Variants in PDGFD observed in about 807,000 individuals in gnomAD.
PDGFD encodes platelet derived growth factor D.
PDGFD carries 30 observed loss-of-function variants against 44.7 expected under a neutral mutation model. That is an observed-to-expected ratio of 0.67 (90% CI 0.50 to 0.91). PDGFD has a LOEUF of 0.91. Among genes scored for constraint, PDGFD ranks in the 40% least tolerant of loss-of-function variants. PDGFD has a pLI of 0.00. For synonymous variants in PDGFD, 173 were observed against 168.4 expected, an observed-to-expected ratio of 1.03 and a Z score of -0.21; for missense variants, 445 against 457.8, an observed-to-expected ratio of 0.97 and a Z score of 0.25.
intron 1 of PDGFD, among the ~76,000 whole-genome samples, chr11:104,034,099 A>T (rs1860177455): frequency 6.6e-6 from 1 of 152,036 alleles, no homozygotes; most frequent in Admixed American, 6.6e-5. Flanking sequence ...CATCTTTCTA[A>T]ACCCAGTTCT....
rs1486327851 is a variant in PDGFD at position 104,004,798 on chromosome 11, T to C, written c.125-4543A>G. Among the ~76,000 whole-genome samples, 4 of 151,620 alleles carry C rather than the reference T, an allele frequency of 2.6e-5. No individual in the cohort carries two copies. In the East Asian group the frequency reaches 5.8e-4, roughly 22 times the overall value. ...TCATTTGTAGGGTCTAATCACTTTATACAGATGATCTCTTGTGTGTGTATG... is the reference window on the plus strand; with the variant it reads ...TCATTTGTAGGGTCTAATCACTTTACACAGATGATCTCTTGTGTGTGTATG... On this transcript the variant is annotated intron_variant, in intron 1 of 6. Coordinates refer to ENST00000393158, the MANE Select transcript of PDGFD (RefSeq NM_025208.5).
At position 104,063,649 on chromosome 11, in the gene PDGFD, A is replaced by G. The variant is rs185693847; in HGVS notation, c.125-63394T>C. ...CACATGGCTGGGGAGGCCTCAGGAA[A>G]CTTACAATCATGACAGAAGGTAAAG... On this transcript the variant is annotated intron_variant, in intron 1 of 6. Coordinates refer to ENST00000393158, the MANE Select transcript of PDGFD (RefSeq NM_025208.5). 4.3e-3 allele frequency among the ~76,000 whole-genome samples: 656 copies of G among 152,272 alleles called. 6 individuals are homozygous for G. Among genetic ancestry groups the G allele is most frequent in the African/African-American group, 0.015 (621 of 41,554 alleles).
At chr11:104,028,451 A>G (rs1031526047) in intron 1 of PDGFD, among the ~76,000 whole-genome samples, 25 of 146,152 alleles carry the variant, frequency 1.7e-4, no homozygotes, top group Non-Finnish European at 3.1e-4. Context: ...TTTTTTTTTC[A>G]GGCTGGCTTG....
intron 1 of PDGFD, chr11:104,037,327 G>C: frequency 6.2e-7 from 1 of 1,613,902 alleles, no homozygotes; most frequent in Non-Finnish European, 8.5e-7. Context: ...TCCCTTGGCG[G>C]AAGCCCTGCT....
chr11:104,146,262 G>A (rs1190965388), intron 1 of PDGFD, among the ~76,000 whole-genome samples: 2 of 152,112 alleles, frequency 1.3e-5, no homozygotes, highest in African/African-American at 2.4e-5. Context: ...GAAGACATAC[G>A]TTTGGGAACA....
intron 1 of PDGFD, among the ~76,000 whole-genome samples, chr11:104,020,135 C>T (rs761538435): frequency 5.3e-5 from 8 of 152,052 alleles, no homozygotes; most frequent in South Asian, 2.1e-4. Flanking sequence ...TTTCCTAGGC[C>T]GATTTATTGC....
intron 1 of PDGFD, among the ~76,000 whole-genome samples, chr11:104,144,858 C>G (rs1194695231): frequency 6.6e-6 from 1 of 152,158 alleles, no homozygotes; most frequent in African/African-American, 2.4e-5. Flanking sequence ...CCTAACCTAC[C>G]TCTAAGAAGC....
chr11:103,942,273 T>C (rs1207785552), intron 5 of PDGFD, among the ~76,000 whole-genome samples: 1 of 152,108 alleles, frequency 6.6e-6, no homozygotes, highest in Non-Finnish European at 1.5e-5. Flanking sequence ...AGGGAACATT[T>C]CAATTATAAC....
chr11:103,996,089 T>A lies in PDGFD; in HGVS notation c.486A>T (p.Gly162=). ...KSDDYFVAKP[G]FKIYYSLLED... ...CCAGCAAAGAATAATAAATCTTGAATCCAGGTTTAGCCACAAAGTAGTCAT... is the reference window on the plus strand; with the variant it reads ...CCAGCAAAGAATAATAAATCTTGAAACCAGGTTTAGCCACAAAGTAGTCAT... The change falls in exon 3 of 7, where the codon GGA becomes GGT. Residue 162 remains glycine, a synonymous_variant. Transcript: ENST00000393158. 1 of 1,613,420 alleles carries A rather than the reference T, an allele frequency of 6.2e-7. No homozygotes were observed. Among genetic ancestry groups the A allele is most frequent in the Non-Finnish European group, 8.5e-7 (1 of 1,179,706 alleles).
At chr11:104,017,680 G>A (rs1859879471) in intron 1 of PDGFD, among the ~76,000 whole-genome samples, 1 of 152,182 alleles carries the variant, frequency 6.6e-6, no homozygotes. Context: ...TTATTTGTGG[G>A]TGTGTGACAT....
intron 1 of PDGFD, among the ~76,000 whole-genome samples, chr11:104,120,459 C>T (rs1212320136): frequency 1.3e-5 from 2 of 151,852 alleles, no homozygotes; most frequent in South Asian, 2.1e-4. Context: ...GACCCTATTA[C>T]AGAATAGCAT....
At chr11:104,071,811 TGTCC>T (rs1860881691) in intron 1 of PDGFD, among the ~76,000 whole-genome samples, 2 of 151,778 alleles carry the variant, frequency 1.3e-5, no homozygotes, top group South Asian at 2.1e-4. Context: ...TTTTTTACTT[TGTCC>T]GGTGGTTTCA....
At chr11:103,957,623 T>TC (rs1371231123) in intron 3 of PDGFD, among the ~76,000 whole-genome samples, 1 of 152,168 alleles carries the variant, frequency 6.6e-6, no homozygotes, top group African/African-American at 2.4e-5. Flanking sequence ...GTGAAAGGAT[T>TC]CCCTATTTAA....
chr11:104,160,822 G>A (rs1050593438), intron 1 of PDGFD, among the ~76,000 whole-genome samples: 2 of 152,206 alleles, frequency 1.3e-5, no homozygotes, highest in African/African-American at 2.4e-5. Context: ...GGAGAGTTCC[G>A]GAAGGCCAGG....
At chr11:103,997,846 T>C (rs1859557780) in intron 2 of PDGFD, among the ~76,000 whole-genome samples, 3 of 152,200 alleles carry the variant, frequency 2.0e-5, no homozygotes, top group Non-Finnish European at 4.4e-5. Flanking sequence ...GGCTGTTTTA[T>C]CTCTTAGGGA....
In PDGFD at chr11:103,955,716, A is replaced by G. The variant is rs1441206545; in HGVS notation, c.511-7992T>C. 2.0e-5 allele frequency among the ~76,000 whole-genome samples: 3 copies of G among 152,320 alleles called. No individual in the cohort carries two copies. In the East Asian group the frequency reaches 5.8e-4, roughly 29 times the overall value. Reference sequence around the variant, plus strand: ...TCAAAGTTAGAGAATTTGCCTGTGAAATTTAATAATATATGTTTCTTAGAG... The same window carrying G: ...TCAAAGTTAGAGAATTTGCCTGTGAGATTTAATAATATATGTTTCTTAGAG... On this transcript the variant is annotated intron_variant, in intron 3 of 6. Transcript: ENST00000393158.
chr11:103,973,410 G>A (rs1161768919), intron 3 of PDGFD, among the ~76,000 whole-genome samples: 1 of 151,732 alleles, frequency 6.6e-6, no homozygotes, highest in South Asian at 2.1e-4. Context: ...GCCTCCCAAA[G>A]TGCTGGGAAT....
chr11:104,056,743 C>T (rs1011865528), intron 1 of PDGFD, among the ~76,000 whole-genome samples: 4 of 152,140 alleles, frequency 2.6e-5, no homozygotes, highest in African/African-American at 9.7e-5. Context: ...TTTAATAAAA[C>T]ATTTAAAGCA....
chr11:104,113,605 T>C (rs760694549), intron 1 of PDGFD, among the ~76,000 whole-genome samples: 2 of 151,232 alleles, frequency 1.3e-5, no homozygotes, highest in Non-Finnish European at 2.9e-5. Flanking sequence ...TTTTTTTTAA[T>C]GAACATAAGC....
Sources: gnomAD v4.1 joint callset for allele counts (sites outside exome capture counted in the v4.1 genomes callset) on GRCh38, gnomAD v4.1.1 for gene constraint, MANE v1.5 for transcripts, NCBI Gene and HGNC (gene_info 2026-07-23, HGNC 2026-07-21) for gene names.